Variants in EPRS1 observed in about 807,000 individuals in gnomAD.
EPRS1 encodes bifunctional glutamate/proline--tRNA ligase.
In EPRS1, 107 loss-of-function variants were observed where a neutral mutation model predicts 188.3. The observed-to-expected ratio is 0.57, with a 90% CI of 0.49 to 0.67. The LOEUF is 0.67. Ranked by LOEUF, EPRS1 falls within the 30% of genes least tolerant of loss-of-function variation. EPRS1 has a pLI of 0.00. For synonymous variants in EPRS1, 596 were observed against 593.1 expected, an observed-to-expected ratio of 1.00 and a Z score of -0.07; for missense variants, 1,577 against 1,802.2, an observed-to-expected ratio of 0.88 and a Z score of 2.26.
chr1:219,974,348 A>G (rs1660734640), intron 28 of EPRS1, among the ~76,000 whole-genome samples: 1 of 152,236 alleles, frequency 6.6e-6, no homozygotes, highest in Non-Finnish European at 1.5e-5. Flanking sequence ...TTCCAAAGCA[A>G]CTTAAGGACA....
At chr1:219,981,556 T>C in intron 23 of EPRS1, 99 bp from the exon 24 acceptor site, 1 of 577,232 alleles carries the variant, frequency 1.7e-6, no homozygotes, top group Non-Finnish European at 3.0e-6. Context: ...GGAATTAAAA[T>C]GTAATAAATA....
At position 220,005,926 on chromosome 1, in the gene EPRS1, T is replaced by C. The variant is rs747548147; in HGVS notation, c.1950+180A>G. ...CTCAAGCGATCCACCCATCTTGGCT[T>C]CCCAAAGAGCTAGGATTACAGGCAT... On this transcript the variant is annotated intron_variant, in intron 15 of 31. Transcript: ENST00000366923. 6.9e-5 allele frequency among the ~76,000 whole-genome samples: 10 copies of C among 145,828 alleles called. 1 individual carries two copies. The highest frequency in any genetic ancestry group is 5.9e-5 in the Non-Finnish European group (4 of 67,280).
Position 219,980,065 on chromosome 1 carries a change from C to T in EPRS1, c.3711+20G>A. 1 of 1,609,980 alleles carries T rather than the reference C, an allele frequency of 6.2e-7. No homozygotes were observed. Among genetic ancestry groups the T allele is most frequent in the Non-Finnish European group, 8.5e-7 (1 of 1,177,170 alleles). On this transcript the variant is annotated intron_variant, in intron 26 of 31. Coordinates refer to ENST00000366923, the MANE Select transcript of EPRS1 (RefSeq NM_004446.3). ...ACTGTGCTTACAGTGACCTACGAATCCTGTGTGGCAGTTTGATACCTGGAT... is the reference window on the plus strand; with the variant it reads ...ACTGTGCTTACAGTGACCTACGAATTCTGTGTGGCAGTTTGATACCTGGAT...
chr1:220,005,943 T>C (rs1661459144), intron 15 of EPRS1, among the ~76,000 whole-genome samples, 163 bp downstream of exon 15: 1 of 150,908 alleles, frequency 6.6e-6, no homozygotes, highest in Non-Finnish European at 1.5e-5. Context: ...GAGCTAGGAT[T>C]ACAGGCATGA....
chr1:220,045,731 C>T (rs1662389414), intron 1 of EPRS1, among the ~76,000 whole-genome samples: 1 of 152,178 alleles, frequency 6.6e-6, no homozygotes. Context: ...CATCAGTCTA[C>T]AGTGTACCTG....
chr1:220,027,206 C>T (rs529316327), intron 6 of EPRS1, among the ~76,000 whole-genome samples: 71 of 152,038 alleles, frequency 4.7e-4, no homozygotes, highest in Middle Eastern at 3.4e-3. Context: ...AGGTGGATCA[C>T]GAGGTCAGGA....
intron 24 of EPRS1, 27 bp downstream of exon 24, chr1:219,981,351 A>G: frequency 1.4e-6 from 2 of 1,476,222 alleles, no homozygotes; most frequent in Non-Finnish European, 1.8e-6. Context: ...GAATAATAAT[A>G]GAATACAAGA....
chr1:219,985,853 T>A (rs923158213), intron 20 of EPRS1, among the ~76,000 whole-genome samples: 1 of 152,194 alleles, frequency 6.6e-6, no homozygotes, highest in African/African-American at 2.4e-5. Context: ...CTTTTTGGAG[T>A]TTAAAAACAA....
At chr1:219,970,888 G>C (rs188005592) in intron 30 of EPRS1, among the ~76,000 whole-genome samples, 14 of 151,730 alleles carry the variant, frequency 9.2e-5, no homozygotes, top group African/African-American at 3.4e-4. Context: ...AAACACTGAA[G>C]AATTATAGAT....
rs553421796 is a variant in EPRS1 at position 220,008,373 on chromosome 1, C to T, written c.1606-1035G>A. On this transcript the variant is annotated intron_variant, in intron 13 of 31. Transcript: ENST00000366923. ...AGAGATGCGGAGAATAAAAAGAACG[C>T]CATAATTTCAGTTTTTATTTGGCAG... is the stretch of plus-strand genomic sequence containing the variant. Among the ~76,000 whole-genome samples the T allele has an allele frequency of 2.2e-4, 34 of 151,294 alleles. 1 individual carries two copies. In the South Asian group the frequency reaches 7.1e-3, roughly 32 times the overall value.
chr1:219,988,583 C>T lies in EPRS1; in HGVS notation c.2775+7G>A, dbSNP rs770700853. ...ACAAAAGCATATAAACAAAATAACA[C>T]ACTAACCTTAGGGGCTTTTTCAGTT... On this transcript the variant is annotated splice_region_variant and intron_variant, in intron 19 of 31. Coordinates refer to ENST00000366923, the MANE Select transcript of EPRS1 (RefSeq NM_004446.3). 1.3e-6 allele frequency: 2 copies of T among 1,585,738 alleles called. No individual in the cohort carries two copies. The highest frequency in any genetic ancestry group is 1.7e-6 in the Non-Finnish European group (2 of 1,155,192).
At chr1:219,999,835 G>A (rs1444535184) in intron 17 of EPRS1, among the ~76,000 whole-genome samples, 4 of 152,128 alleles carry the variant, frequency 2.6e-5, no homozygotes, top group Non-Finnish European at 5.9e-5. Context: ...AATTAGCTGG[G>A]CATGGTGGTG....
chr1:220,039,587 C>A (rs923897688), intron 2 of EPRS1, among the ~76,000 whole-genome samples: 1 of 150,140 alleles, frequency 6.7e-6, no homozygotes, highest in Non-Finnish European at 1.5e-5. Flanking sequence ...GGCGCGTTCT[C>A]GGTTTACTGC....
chr1:219,994,761 T>C, intron 18 of EPRS1, among the ~76,000 whole-genome samples: 1 of 150,114 alleles, frequency 6.7e-6, no homozygotes, highest in Middle Eastern at 3.2e-3. Flanking sequence ...CATGCCATTC[T>C]CCTGCCTCAG....
In EPRS1 at chr1:220,007,570, G is replaced by A. The variant is rs374329638; in HGVS notation, c.1606-232C>T. Among the ~76,000 whole-genome samples the A allele has an allele frequency of 9.9e-5, 15 of 152,088 alleles. 1 individual carries two copies. The highest frequency in any genetic ancestry group is 5.9e-4 in the Admixed American group (9 of 15,278). On this transcript the variant is annotated intron_variant, in intron 13 of 31. Coordinates refer to ENST00000366923, the MANE Select transcript of EPRS1 (RefSeq NM_004446.3). ...CTTAGCATTTAAACAATACATACTC[G>A]GCCTCAATAGAAATCAATAGTTTGA...
rs145129232 is a variant in EPRS1, at chr1:219,991,032, G to C, written c.2542-2209C>G. ...AACCTATACAAAAGACTTTGGTAAA[G>C]GTTTAAGATGGGAATTGGAAATAAG... is the stretch of plus-strand genomic sequence containing the variant. On this transcript the variant is annotated intron_variant, in intron 18 of 31. Coordinates refer to ENST00000366923, the MANE Select transcript of EPRS1 (RefSeq NM_004446.3). 5.9e-3 allele frequency among the ~76,000 whole-genome samples: 897 copies of C among 152,158 alleles called. 4 individuals are homozygous for C. Among genetic ancestry groups the C allele is most frequent in the Middle Eastern group, 0.014 (4 of 294 alleles).
chr1:219,995,505 G>A (rs1450215670), intron 18 of EPRS1, among the ~76,000 whole-genome samples: 1 of 152,144 alleles, frequency 6.6e-6, no homozygotes, highest in African/African-American at 2.4e-5. Flanking sequence ...CTCCCCATGA[G>A]GTAAGAAACA....
intron 5 of EPRS1, among the ~76,000 whole-genome samples, chr1:220,031,938 G>A (rs1309422486): frequency 6.6e-6 from 1 of 152,132 alleles, no homozygotes; most frequent in East Asian, 1.9e-4. Context: ...TTATATAGAT[G>A]AACAATTAAA....
chr1:220,003,877 T>C (rs1661408383), intron 16 of EPRS1, among the ~76,000 whole-genome samples: 1 of 152,206 alleles, frequency 6.6e-6, no homozygotes, highest in South Asian at 2.1e-4. Flanking sequence ...AGGCATCAAG[T>C]GCTTTTGAAA....
Sources: gnomAD v4.1 joint callset for allele counts (sites outside exome capture counted in the v4.1 genomes callset) on GRCh38, gnomAD v4.1.1 for gene constraint, MANE v1.5 for transcripts, NCBI Gene and HGNC (gene_info 2026-07-23, HGNC 2026-07-21) for gene names.